Variants in KRT32 observed in about 807,000 individuals in gnomAD.
The protein encoded by KRT32 is keratin 32.
In KRT32, 44 loss-of-function variants were observed where a neutral mutation model predicts 41.8. That is an observed-to-expected ratio of 1.05 (90% CI 0.83 to 1.35). The LOEUF (loss-of-function observed/expected upper bound fraction) is 1.35, where lower values mean the gene tolerates loss of function less well. Among genes scored for constraint, KRT32 ranks in the 40% most tolerant of loss-of-function variants. The pLI is 0.00. For missense variants in KRT32, 576 were observed against 584.6 expected (o/e 0.99, Z 0.15); for synonymous variants, 238 against 242.5 (o/e 0.98, Z 0.17).
intron 1 of KRT32, 54 bp downstream of exon 1, chr17:41,466,804 C>A: frequency 7.7e-7 from 1 of 1,300,506 alleles, no homozygotes; most frequent in Admixed American, 2.1e-5. Flanking sequence ...TCTGGAATGC[C>A]AGCTAGTCCA....
Position 41,459,947 on chromosome 17 carries a change from A to G in KRT32, c.*163T>C. The G allele has an allele frequency of 1.5e-6, 1 of 657,598 alleles. No homozygotes were observed. Among genetic ancestry groups the G allele is most frequent in the Non-Finnish European group, 2.5e-6 (1 of 405,074 alleles). 40.7% of individuals were successfully genotyped at this position (657,598 alleles called of 1,614,324 possible). A position where few individuals can be genotyped will look rare whatever the true frequency, so the allele number is the denominator to read the frequency against. ...AAAAAGAGGCAGTTTTGAAGTGATGAGGGCTTAAGTATCCCCTGGAGTATC... is the reference window on the plus strand; with the variant it reads ...AAAAAGAGGCAGTTTTGAAGTGATGGGGGCTTAAGTATCCCCTGGAGTATC... On this transcript the variant is annotated 3_prime_UTR_variant, in exon 7 of 7. Coordinates refer to ENST00000225899, the MANE Select transcript of KRT32 (RefSeq NM_002278.3).
rs762007579 is a variant in KRT32, at chr17:41,462,910, G to A, written c.1137C>T (p.Tyr379=). 6 of 1,614,038 alleles carry A rather than the reference G, an allele frequency of 3.7e-6. No individual in the cohort carries two copies. The South Asian group carries it at 5.5e-5, about 15-fold the overall frequency. ...GGGCCCGGACGTCCAGCAGCACCTGGTACTCCTGGTTCTGCCGCTCCAGGT... is the reference window on the plus strand; with the variant it reads ...GGGCCCGGACGTCCAGCAGCACCTGATACTCCTGGTTCTGCCGCTCCAGGT... The part of the protein sequence containing the change: ...RADLERQNQE[Y]QVLLDVRARL... Residue 379 remains tyrosine (Y), a synonymous_variant, in exon 6 of 7, where the codon TAC becomes TAT. Coordinates refer to ENST00000225899, the MANE Select transcript of KRT32 (RefSeq NM_002278.3).
At chr17:41,463,355 G>A (rs1200244381) in intron 5 of KRT32, among the ~76,000 whole-genome samples, 4 of 152,182 alleles carry the variant, frequency 2.6e-5, no homozygotes, top group South Asian at 2.1e-4. Flanking sequence ...GCATCATTTA[G>A]AACAGGGGTT....
rs2019072351 is a variant in KRT32 at position 41,466,772 on chromosome 17, T to A, written c.468+86A>T. 3.0e-6 allele frequency: 3 copies of A among 988,538 alleles called. No homozygotes were observed. The South Asian group carries it at 4.7e-5, about 15-fold the overall frequency. The allele number at this position is 988,538 out of a possible 1,614,324, so 61.2% of individuals were successfully genotyped here. On this transcript the variant is annotated intron_variant, in intron 1 of 6. Coordinates refer to ENST00000225899, the MANE Select transcript of KRT32 (RefSeq NM_002278.3). Reference sequence around the variant, plus strand: ...AAGTCTCTTTGTCCTGAACATAGCTTAATAAGCTAACGAGATTCCAATCTG... The same window carrying A: ...AAGTCTCTTTGTCCTGAACATAGCTAAATAAGCTAACGAGATTCCAATCTG...
Position 41,459,993 on chromosome 17 carries a change from C to A in KRT32, c.*117G>T. On this transcript the variant is annotated 3_prime_UTR_variant, in exon 7 of 7. Coordinates refer to ENST00000225899, the MANE Select transcript of KRT32 (RefSeq NM_002278.3). ...GTATCAGAGCTTGTTGCAGGTGATC[C>A]ACGGTCCTGCTCAGGGTCTTCCTTG... 1 of 1,109,834 alleles carries A rather than the reference C, an allele frequency of 9.0e-7. No homozygotes were observed. The highest frequency in any genetic ancestry group is 1.3e-6 in the Non-Finnish European group (1 of 793,652). The allele number at this position is 1,109,834 out of a possible 1,614,324, so 68.7% of individuals were successfully genotyped here. A position where few individuals can be genotyped will look rare whatever the true frequency, so the allele number is the denominator to read the frequency against.
At position 41,467,030 on chromosome 17, in the gene KRT32, G is replaced by A. The variant is rs117304287; in HGVS notation, c.296C>T (p.Thr99Ile). ...EGAFNGNEKETMQFLNDRLAS... is the reference protein window; with the variant it reads ...EGAFNGNEKEIMQFLNDRLAS... The stretch of plus-strand genomic sequence containing the variant: ...CAGGCGGTCGTTAAGGAACTGCATG[G>A]TTTCCTTCTCATTGCCATTGAAGGC... The change falls in exon 1 of 7, where the codon ACC becomes ATC. Residue 99 changes from threonine to isoleucine, a missense_variant. Coordinates refer to ENST00000225899, the MANE Select transcript of KRT32 (RefSeq NM_002278.3). 4,439 of 1,614,268 alleles carry A rather than the reference G, an allele frequency of 2.7e-3. 6 individuals are homozygous for A. The highest frequency in any genetic ancestry group is 3.5e-3 in the Non-Finnish European group (4,123 of 1,180,046).
At chr17:41,464,491 T>G in intron 3 of KRT32, 48 bp from the exon 4 acceptor site, 4 of 1,485,008 alleles carry the variant, frequency 2.7e-6, no homozygotes, top group African/African-American at 1.4e-5. Context: ...GATAGGATCC[T>G]GGCTCACCTC....
Position 41,464,273 on chromosome 17 carries a change from G to T in KRT32, c.870+9C>A. The T allele has an allele frequency of 6.3e-7, 1 of 1,589,926 alleles. No homozygotes were observed. The highest frequency in any genetic ancestry group is 1.1e-5 in the South Asian group (1 of 87,214). Reference sequence around the variant, plus strand: ...ATGGAGGAGGCCATCCCCACCGTGAGAGGCCCACCTGCATATTGAACCATT... The same window carrying T: ...ATGGAGGAGGCCATCCCCACCGTGATAGGCCCACCTGCATATTGAACCATT... On this transcript the variant is annotated intron_variant, in intron 4 of 6. Transcript: ENST00000225899.
Position 41,465,901 on chromosome 17 carries a change from G to C in KRT32, c.580C>G (p.Leu194Val). 1 of 1,613,970 alleles carries C rather than the reference G, an allele frequency of 6.2e-7. No homozygotes were observed. The highest frequency in any genetic ancestry group is 2.2e-5 in the East Asian group (1 of 44,880). The change falls in exon 3 of 7, where the codon CTG (leucine) becomes GTG (valine). Residue 194 changes from leucine to valine, a missense_variant. Transcript: ENST00000225899. ...AGGCCATTGATGTCGGCCTCCACCAGCTGCCGCATGGCCAGCTCTGCCTCG... is the reference window on the plus strand; with the variant it reads ...AGGCCATTGATGTCGGCCTCCACCACCTGCCGCATGGCCAGCTCTGCCTCG... Reference protein sequence around the residue: ...KYEAELAMRQLVEADINGLRR... With the variant: ...KYEAELAMRQVVEADINGLRR...
chr17:41,467,058 C>T lies in KRT32; in HGVS notation c.268G>A (p.Gly90Arg), dbSNP rs760880019. The T allele has an allele frequency of 1.1e-5, 17 of 1,614,246 alleles. No individual in the cohort carries two copies. Among genetic ancestry groups the T allele is most frequent in the East Asian group, 2.2e-5 (1 of 44,886 alleles). ...TCCTTCTCATTGCCATTGAAGGCCC[C>T]TTCGCTGTACCAGCTGCCGGGGCCC... is the stretch of plus-strand genomic sequence containing the variant. Reference protein sequence around the residue: ...SMGPGSWYSEGAFNGNEKETM... With the variant: ...SMGPGSWYSERAFNGNEKETM... The change falls in exon 1 of 7, where the codon GGG becomes AGG. Residue 90 changes from glycine to arginine, a missense_variant. Transcript: ENST00000225899.
chr17:41,460,291 C>T (rs545489033), intron 6 of KRT32, 52 bp from the exon 7 acceptor site: 11 of 1,548,280 alleles, frequency 7.1e-6, no homozygotes, highest in African/African-American at 4.1e-5. Flanking sequence ...GCCCACTCGG[C>T]CACAGGTCCT....
chr17:41,467,074 GC>G lies in KRT32; in HGVS notation c.251del (p.Gly84AlafsTer28). On this transcript the variant is annotated frameshift_variant, in exon 1 of 7. Coordinates refer to ENST00000225899, the MANE Select transcript of KRT32 (RefSeq NM_002278.3). LOFTEE classifies it high-confidence loss of function. The stretch of plus-strand genomic sequence containing the variant: ...TGAAGGCCCCTTCGCTGTACCAGCT[GC>G]CGGGGCCCATGGAGCCGGAGATGCC... ...ASGISGSMGP[G>X]SWYSEGAFNG... 9 of 1,614,262 alleles carry G rather than the reference GC, an allele frequency of 5.6e-6. No individual in the cohort carries two copies. The highest frequency in any genetic ancestry group is 7.6e-6 in the Non-Finnish European group (9 of 1,180,050).
At chr17:41,465,680 T>C (rs2019058167) in intron 3 of KRT32, 93 bp downstream of exon 3, 5 of 1,309,686 alleles carry the variant, frequency 3.8e-6, no homozygotes, top group Non-Finnish European at 5.3e-6. Flanking sequence ...TGTGGCAGGC[T>C]TGGGAATTTC....
intron 1 of KRT32, 108 bp from the exon 2 acceptor site, chr17:41,466,284 C>G: frequency 2.4e-6 from 2 of 830,238 alleles, no homozygotes; most frequent in Non-Finnish European, 1.9e-6. Flanking sequence ...GCCCTGCAGC[C>G]ATCCCTGCAG....
chr17:41,467,150 G>T lies in KRT32; in HGVS notation c.176C>A (p.Ala59Asp), dbSNP rs769265626. The part of the protein sequence containing the change: ...SVCLPTTFRP[A>D]SCLSKTYLSS... ...TAGATAGGTTTTGGAGAGGCAGCTG[G>T]CTGGCCGGAAGGTGGTGGGCAGGCA... Residue 59 changes from alanine (A) to aspartate (D), a missense_variant, in exon 1 of 7, where the codon GCC becomes GAC. By Grantham distance (126) the Ala-to-Asp change is moderately radical. Coordinates refer to ENST00000225899, the MANE Select transcript of KRT32 (RefSeq NM_002278.3). 6 of 1,613,960 alleles carry T rather than the reference G, an allele frequency of 3.7e-6. No homozygotes were observed. The African/African-American group carries it at 6.7e-5, about 18-fold the overall frequency.
chr17:41,462,711 G>T (rs927251121), intron 6 of KRT32, 119 bp downstream of exon 6: 18 of 1,099,388 alleles, frequency 1.6e-5, no homozygotes, highest in African/African-American at 7.9e-5. Flanking sequence ...CTTCTTAATG[G>T]CTCCATAGTC....
At position 41,459,922 on chromosome 17, in the gene KRT32, A is replaced by G; in HGVS notation, c.*188T>C. 1 of 543,674 alleles carries G rather than the reference A, an allele frequency of 1.8e-6. No individual in the cohort carries two copies. Among genetic ancestry groups the G allele is most frequent in the South Asian group, 2.6e-5 (1 of 38,726 alleles). 33.7% of individuals were successfully genotyped at this position (543,674 alleles called of 1,614,324 possible). A position where few individuals can be genotyped will look rare whatever the true frequency, so the allele number is the denominator to read the frequency against. On this transcript the variant is annotated 3_prime_UTR_variant, in exon 7 of 7. Transcript: ENST00000225899. ...CCAAAGAGAACAGTTCACCCATGGA[A>G]AAAAGAGGCAGTTTTGAAGTGATGA...
At chr17:41,464,261 T>C (rs770539388) in intron 4 of KRT32, 21 bp downstream of exon 4, 3 of 1,584,654 alleles carry the variant, frequency 1.9e-6, no homozygotes, top group Non-Finnish European at 2.6e-6. Context: ...GAGGAGGCCA[T>C]CCCCACCGTG....
intron 6 of KRT32, among the ~76,000 whole-genome samples, chr17:41,462,004 C>T (rs2019005361): frequency 6.6e-6 from 1 of 152,212 alleles, no homozygotes; most frequent in Non-Finnish European, 1.5e-5. Context: ...GACAGTTTCC[C>T]TGCCTGGTTC....
Sources: allele counts gnomAD v4.1 joint callset (sites outside exome capture counted in the v4.1 genomes callset), GRCh38; gene constraint gnomAD v4.1.1; transcripts MANE v1.5; gene names NCBI Gene and HGNC (gene_info 2026-07-23, HGNC 2026-07-21).